FNDC1: variants seen among roughly 807,000 people sequenced by gnomAD.
FNDC1 encodes fibronectin type III domain-containing protein 1.
In FNDC1, 96 loss-of-function variants were observed where a neutral mutation model predicts 168.0. The ratio of observed to expected loss-of-function variants is 0.57; its 90% confidence interval spans 0.48 to 0.68. The LOEUF (loss-of-function observed/expected upper bound fraction) is 0.68. Among genes scored for constraint, FNDC1 ranks in the 30% least tolerant of loss-of-function variants. The pLI is 0.00. For missense variants in FNDC1, 2,587 were observed against 2,482.1 expected, an observed-to-expected ratio of 1.04 and a Z score of -0.90; for synonymous variants, 1,099 against 1,025.9, an observed-to-expected ratio of 1.07 and a Z score of -1.36.
intron 1 of FNDC1, among the ~76,000 whole-genome samples, chr6:159,172,037 T>C (rs1332996657): frequency 6.6e-6 from 1 of 152,192 alleles, no homozygotes; most frequent in Non-Finnish European, 1.5e-5. Flanking sequence ...TCTTTGAATT[T>C]TGGGGGGACT....
At chr6:159,181,347 G>C (rs573072132) in intron 1 of FNDC1, among the ~76,000 whole-genome samples, 2 of 152,310 alleles carry the variant, frequency 1.3e-5, no homozygotes, top group East Asian at 3.9e-4. Context: ...TGTCAACCTG[G>C]TGTTCCAAAG....
chr6:159,234,249 C>G lies in FNDC1; in HGVS notation c.3737C>G (p.Pro1246Arg), dbSNP rs114185167. 872 of 1,591,146 alleles carry G rather than the reference C, an allele frequency of 5.5e-4. 2 individuals are homozygous for G. The African/African-American group carries it at 0.01, about 18-fold the overall frequency. Residue 1246 changes from proline to arginine, a missense_variant, in exon 11 of 23, where the codon CCA becomes CGA. Coordinates refer to ENST00000297267, the MANE Select transcript of FNDC1 (RefSeq NM_032532.3). ...GCTCCTGTGAAGCGACCTCTCCCCCCACCTCCAGGCAGCTCCCCCAGGGCC... is the reference window on the plus strand; with the variant it reads ...GCTCCTGTGAAGCGACCTCTCCCCCGACCTCCAGGCAGCTCCCCCAGGGCC... ...SLAPVKRPLP[P>R]PPGSSPRASH... is the part of the protein sequence containing the mutation.
chr6:159,205,523 C>T (rs394974), intron 4 of FNDC1, among the ~76,000 whole-genome samples: 66,990 of 152,078 alleles, frequency 0.44, 15,846 homozygotes, highest in East Asian at 0.66. Context: ...CACCTGGCTC[C>T]GGCTCCAGGT....
intron 16 of FNDC1, among the ~76,000 whole-genome samples, chr6:159,250,194 C>T (rs1777225983): frequency 6.6e-6 from 1 of 152,170 alleles, no homozygotes; most frequent in South Asian, 2.1e-4. Context: ...CATAGGAGCC[C>T]ACTCCCCAAA....
rs371315389 is a variant in FNDC1, at chr6:159,238,676, A to G, written c.4180+11A>G. On this transcript the variant is annotated intron_variant, in intron 13 of 22. Transcript: ENST00000297267. ...GTCGAACCATTGTAGGTAAGGGAGA[A>G]TGGTTTTTAAAGAATAAAAGCCTAC... The G allele has an allele frequency of 1.7e-5, 26 of 1,546,548 alleles. No individual in the cohort carries two copies. Among genetic ancestry groups the G allele is most frequent in the East Asian group, 2.3e-5 (1 of 43,840 alleles).
intron 1 of FNDC1, among the ~76,000 whole-genome samples, chr6:159,186,957 G>A (rs1282339843): frequency 6.6e-6 from 1 of 152,212 alleles, no homozygotes; most frequent in Non-Finnish European, 1.5e-5. Context: ...CTTTTTGTCT[G>A]AATAAAATAA....
chr6:159,239,820 C>G lies in FNDC1; in HGVS notation c.4484C>G (p.Thr1495Arg). 2 of 1,546,564 alleles carry G rather than the reference C, an allele frequency of 1.3e-6. No homozygotes were observed. ...CCAACAACCACAGTCCGAACCACTA[C>G]GCGGACAACCACCACCACCACCCCC... ...RRPTTTVRTT[T>R]RTTTTTTPTP... The change falls in exon 14 of 23, where the codon ACG becomes AGG. Residue 1495 changes from threonine (T) to arginine (R), a missense_variant. Physicochemically the swap from Thr to Arg is moderately conservative, Grantham distance 71. Transcript: ENST00000297267.
chr6:159,189,342 C>G (rs1041059407), intron 1 of FNDC1, among the ~76,000 whole-genome samples: 27 of 152,202 alleles, frequency 1.8e-4, no homozygotes, highest in African/African-American at 6.5e-4. Context: ...GTAGAAAGTA[C>G]TGGCCACATC....
chr6:159,269,068 CTATCTATCTATCTATCTATCTAT>C (rs1777656193), intron 22 of FNDC1, among the ~76,000 whole-genome samples: 1 of 22,712 alleles, frequency 4.4e-5, no homozygotes, highest in African/African-American at 7.6e-5. Flanking sequence ...GTCTATCTAT[CTATCTATCTATCTATCTATCTAT>C]CTATCTATCC....
chr6:159,192,006 A>T lies in FNDC1; in HGVS notation c.110-5425A>T, dbSNP rs567574996. Among the ~76,000 whole-genome samples, 3 of 152,236 alleles carry T rather than the reference A, an allele frequency of 2.0e-5. No individual in the cohort carries two copies. The South Asian group carries it at 6.2e-4, about 32-fold the overall frequency. ...CACCTCAGCTTCCCATGTAGCTGGG[A>T]CTACAGGTGCACGACACCATGTCTA... is the stretch of plus-strand genomic sequence containing the variant. On this transcript the variant is annotated intron_variant, in intron 1 of 22. Coordinates refer to ENST00000297267, the MANE Select transcript of FNDC1 (RefSeq NM_032532.3).
At chr6:159,182,723 A>G (rs897109655) in intron 1 of FNDC1, among the ~76,000 whole-genome samples, 6 of 152,200 alleles carry the variant, frequency 3.9e-5, no homozygotes, top group East Asian at 1.9e-4. Flanking sequence ...ATGTCACCCA[A>G]TTGAATAGCA....
intron 20 of FNDC1, among the ~76,000 whole-genome samples, chr6:159,265,462 CAA>C: frequency 6.6e-6 from 1 of 152,128 alleles, no homozygotes; most frequent in African/African-American, 2.4e-5. Context: ...CCCAAAAGAC[CAA>C]ATCTGCCATT....
At chr6:159,244,467 C>A (rs1029922124) in intron 14 of FNDC1, among the ~76,000 whole-genome samples, 1 of 152,198 alleles carries the variant, frequency 6.6e-6, no homozygotes, top group Admixed American at 6.5e-5. Context: ...AGAATAGGAG[C>A]TGGGGGCTTC....
rs757831201 is a variant in FNDC1 at position 159,232,848 on chromosome 6, A to C, written c.2336A>C (p.Glu779Ala). ...SHLSSRTQVSEGAEASDGESH... is the reference protein window; with the variant it reads ...SHLSSRTQVSAGAEASDGESH... ...CTCTCGTCCAGGACGCAGGTCTCTG[A>C]GGGAGCGGAGGCTTCTGATGGTGAA... The change falls in exon 11 of 23, where the codon GAG (glutamate) becomes GCG (alanine). Residue 779 changes from glutamate (E) to alanine (A), a missense_variant. By Grantham distance (107) the Glu-to-Ala change is moderately radical. Coordinates refer to ENST00000297267, the MANE Select transcript of FNDC1 (RefSeq NM_032532.3). This position sits in a 1 kb window ranked among gnomAD's most constrained non-coding sequence, Gnocchi z 4.9. 1.2e-6 allele frequency: 2 copies of C among 1,613,808 alleles called. No individual in the cohort carries two copies. Among genetic ancestry groups the C allele is most frequent in the Non-Finnish European group, 1.7e-6 (2 of 1,179,878 alleles).
In FNDC1 at chr6:159,256,123, C is replaced by T. The variant is rs182557839; in HGVS notation, c.5066-400C>T. Among the ~76,000 whole-genome samples, 226 of 152,324 alleles carry T rather than the reference C, an allele frequency of 1.5e-3. 2 individuals carry two copies. Among genetic ancestry groups the T allele is most frequent in the African/African-American group, 6.3e-4 (26 of 41,582 alleles). The stretch of plus-strand genomic sequence containing the variant: ...CACAGCATCCACCAACAACATTCTT[C>T]GTTTCCTGTGCAGGGCAATGGTGTA... On this transcript the variant is annotated intron_variant, in intron 17 of 22. Transcript: ENST00000297267.
chr6:159,191,346 C>G (rs1208144680), intron 1 of FNDC1, among the ~76,000 whole-genome samples: 1 of 152,154 alleles, frequency 6.6e-6, no homozygotes, highest in East Asian at 1.9e-4. Context: ...AAAGATAACT[C>G]AAATCTATTA....
In FNDC1 at chr6:159,234,424, T is replaced by C. The variant is rs1228613719; in HGVS notation, c.3912T>C (p.His1304=). 3.1e-6 allele frequency: 5 copies of C among 1,613,542 alleles called. No homozygotes were observed. The highest frequency in any genetic ancestry group is 2.2e-5 in the East Asian group (1 of 44,892). The part of the protein sequence containing the change: ...PMLSLRQRMM[H]ARFRNPLSRQ... Reference sequence around the variant, plus strand: ...TGTCCTTGCGCCAGAGGATGATGCATGCCAGATTCCGTAACCCTCTCTCCC... The same window carrying C: ...TGTCCTTGCGCCAGAGGATGATGCACGCCAGATTCCGTAACCCTCTCTCCC... Residue 1304 remains histidine, a synonymous_variant, in exon 11 of 23, where the codon CAT becomes CAC. Coordinates refer to ENST00000297267, the MANE Select transcript of FNDC1 (RefSeq NM_032532.3).
At chr6:159,260,559 C>T (rs912951001) in intron 18 of FNDC1, among the ~76,000 whole-genome samples, 1 of 152,146 alleles carries the variant, frequency 6.6e-6, no homozygotes, top group South Asian at 2.1e-4. Flanking sequence ...AAGGTGGTCC[C>T]TTCCCAGCTC....
Position 159,200,040 on chromosome 6 carries a change from AG to A in FNDC1, c.350del (p.Ser117MetfsTer3). 6.2e-7 allele frequency: 1 copy of A among 1,606,116 alleles called. No homozygotes were observed. The highest frequency in any genetic ancestry group is 8.5e-7 in the Non-Finnish European group (1 of 1,176,134). ...YFVLLTAENH[S>X]GVSRPVYRAE... ...TGTGCTGCTTACTGCAGAAAACCAC[AG>A]TGGAGTGAGCCGTCCTGTTTACAGA... On this transcript the variant is annotated frameshift_variant, in exon 3 of 23. Coordinates refer to ENST00000297267, the MANE Select transcript of FNDC1 (RefSeq NM_032532.3). LOFTEE classifies it high-confidence loss of function.
Sources: allele counts gnomAD v4.1 joint callset (sites outside exome capture counted in the v4.1 genomes callset), GRCh38; gene constraint gnomAD v4.1.1; non-coding constraint Gnocchi (gnomAD v3.1); transcripts MANE v1.5; gene names NCBI Gene and HGNC (gene_info 2026-07-23, HGNC 2026-07-21).